Variants in COL14A1 observed in about 807,000 individuals in gnomAD.
COL14A1 encodes collagen type XIV alpha 1 chain, also known as collagen alpha-1(XIV) chain.
In COL14A1, 136 loss-of-function variants were observed where a neutral mutation model predicts 230.3. The ratio of observed to expected loss-of-function variants is 0.59; its 90% CI spans 0.51 to 0.68. COL14A1 has a LOEUF of 0.68. Ranked by LOEUF, COL14A1 falls within the 30% of genes least tolerant of loss-of-function variation. The pLI, the probability that COL14A1 is intolerant of heterozygous loss-of-function variation, is 0.00. For missense variants in COL14A1, 1,976 were observed against 2,215.8 expected, an observed-to-expected ratio of 0.89 and a Z score of 2.17; for synonymous variants, 792 against 784.1, an observed-to-expected ratio of 1.01 and a Z score of -0.17.
chr8:120,346,158 T>A (rs2130290822), intron 45 of COL14A1, among the ~76,000 whole-genome samples: 1 of 152,340 alleles, frequency 6.6e-6, no homozygotes, highest in Middle Eastern at 3.4e-3. Context: ...TATTTAATAG[T>A]TTCATGGGCC....
intron 45 of COL14A1, 39 bp from the exon 46 acceptor site, chr8:120,367,132 A>T (rs776998507): frequency 6.7e-7 from 1 of 1,498,082 alleles, no homozygotes; most frequent in South Asian, 1.3e-5. Context: ...TTTTCTTTTA[A>T]AAAGAACTTT....
intron 13 of COL14A1, among the ~76,000 whole-genome samples, chr8:120,216,058 T>C (rs1024995263): frequency 7.9e-5 from 12 of 152,238 alleles, no homozygotes; most frequent in African/African-American, 2.7e-4. Flanking sequence ...TTAAGTTTCC[T>C]ACTTACATCA....
At chr8:120,254,991 C>T (rs1819096365) in intron 22 of COL14A1, among the ~76,000 whole-genome samples, 2 of 152,040 alleles carry the variant, frequency 1.3e-5, no homozygotes, top group South Asian at 4.1e-4. Context: ...GACCCCATCT[C>T]AAAACAAACA....
rs1823541972 is a variant in COL14A1 at position 120,370,288 on chromosome 8, T to A, written c.5311+803T>A. ...AGTTTTGCTGATGTGTTTTTCTCTG[T>A]TCATCTTTTCCCTCCCTGTTCTCTC... On this transcript the variant is annotated intron_variant, in intron 47 of 47. Transcript: ENST00000297848. The A allele has an allele frequency of 4.4e-6, 7 of 1,580,294 alleles. No individual in the cohort carries two copies. In the East Asian group the frequency reaches 1.6e-4, roughly 35 times the overall value.
chr8:120,262,835 G>C lies in COL14A1; in HGVS notation c.2870-33G>C, dbSNP rs760569030. 2.5e-6 allele frequency: 4 copies of C among 1,580,648 alleles called. No homozygotes were observed. In the South Asian group the frequency reaches 3.5e-5, roughly 14 times the overall value. On this transcript the variant is annotated intron_variant, in intron 23 of 47. Transcript: ENST00000297848. ...GCTGTGTTTCAAAAATTTCATATGTGTGTGTTTTTGTTTTGTTTTGTTTTT... is the reference window on the plus strand; with the variant it reads ...GCTGTGTTTCAAAAATTTCATATGTCTGTGTTTTTGTTTTGTTTTGTTTTT...
chr8:120,137,856 C>G (rs1462595755), intron 1 of COL14A1, among the ~76,000 whole-genome samples: 2 of 151,950 alleles, frequency 1.3e-5, no homozygotes, highest in South Asian at 2.1e-4. Flanking sequence ...ATCTTACACA[C>G]CTTGACCTCC....
At chr8:120,299,461 C>T (rs1820644287) in intron 35 of COL14A1, among the ~76,000 whole-genome samples, 1 of 152,058 alleles carries the variant, frequency 6.6e-6, no homozygotes, top group Admixed American at 6.6e-5. Flanking sequence ...TTGTATCAAG[C>T]AAAGATGTGA....
At chr8:120,305,031 T>A (rs951862358) in intron 36 of COL14A1, among the ~76,000 whole-genome samples, 6 of 150,614 alleles carry the variant, frequency 4.0e-5, no homozygotes, top group African/African-American at 1.5e-4. Context: ...CGGGCTGGAG[T>A]GCAATGGCAC....
intron 34 of COL14A1, among the ~76,000 whole-genome samples, chr8:120,290,880 G>A (rs534639301): frequency 2.0e-5 from 3 of 152,296 alleles, no homozygotes; most frequent in African/African-American, 4.8e-5. Context: ...GAAGCTTTCA[G>A]ACCTTGATAG....
At chr8:120,131,428 A>C (rs999276657) in intron 1 of COL14A1, among the ~76,000 whole-genome samples, 1 of 151,342 alleles carries the variant, frequency 6.6e-6, no homozygotes, top group Non-Finnish European at 1.5e-5. Context: ...TAGTATCTCA[A>C]TGTGATTTTG....
rs1217496796 is a variant in COL14A1, at chr8:120,197,945, A to G, written c.712+15A>G. 1.9e-6 allele frequency: 3 copies of G among 1,612,076 alleles called. No homozygotes were observed. Among genetic ancestry groups the G allele is most frequent in the Non-Finnish European group, 8.5e-7 (1 of 1,178,722 alleles). On this transcript the variant is annotated intron_variant, in intron 7 of 47. Transcript: ENST00000297848. ...TACACTAACAGGTATGTTTTGTTCA[A>G]TCCATGTTATAACAACATATCTTTT...
chr8:120,245,401 G>T (rs1411186963), intron 20 of COL14A1, among the ~76,000 whole-genome samples: 1 of 152,160 alleles, frequency 6.6e-6, no homozygotes, highest in African/African-American at 2.4e-5. Context: ...GAGGCGTCAT[G>T]CAACGCTTAT....
chr8:120,248,987 G>A (rs1489965206), intron 21 of COL14A1, among the ~76,000 whole-genome samples: 2 of 132,130 alleles, frequency 1.5e-5, no homozygotes, highest in African/African-American at 5.8e-5. Context: ...GTACAGTGGC[G>A]CAGCCTCGGC....
intron 3 of COL14A1, among the ~76,000 whole-genome samples, chr8:120,160,192 C>T (rs1815617415): frequency 6.6e-6 from 1 of 151,970 alleles, no homozygotes; most frequent in East Asian, 1.9e-4. Context: ...AAAAATATAG[C>T]TTATTTTTTT....
chr8:120,186,331 T>G (rs1032928576), intron 5 of COL14A1, among the ~76,000 whole-genome samples: 7 of 152,236 alleles, frequency 4.6e-5, no homozygotes, highest in African/African-American at 1.7e-4. Context: ...GCTCTTGGTT[T>G]GGAAACTTGA....
intron 5 of COL14A1, among the ~76,000 whole-genome samples, chr8:120,172,440 C>T (rs188722174): frequency 2.2e-4 from 33 of 152,056 alleles, no homozygotes; most frequent in South Asian, 4.2e-4. Flanking sequence ...CATGAGCCAC[C>T]GCAGCCGGTT....
At chr8:120,301,930 T>A (rs1456910393) in intron 36 of COL14A1, among the ~76,000 whole-genome samples, 1 of 152,234 alleles carries the variant, frequency 6.6e-6, no homozygotes, top group Non-Finnish European at 1.5e-5. Context: ...CATTGTGGTT[T>A]TGATTTTCAT....
chr8:120,265,767 T>C (rs749217926), intron 24 of COL14A1, among the ~76,000 whole-genome samples: 2 of 152,104 alleles, frequency 1.3e-5, no homozygotes, highest in Non-Finnish European at 2.9e-5. Flanking sequence ...TAGTAATATA[T>C]AGTTACCTCA....
At chr8:120,127,591 C>T (rs1457766781) in intron 1 of COL14A1, among the ~76,000 whole-genome samples, 1 of 152,228 alleles carries the variant, frequency 6.6e-6, no homozygotes, top group Non-Finnish European at 1.5e-5. Flanking sequence ...TAAAAATGGG[C>T]TGAACAAATC....
Sources: gnomAD v4.1 joint callset for allele counts (sites outside exome capture counted in the v4.1 genomes callset) on GRCh38, gnomAD v4.1.1 for gene constraint, MANE v1.5 for transcripts, NCBI Gene and HGNC (gene_info 2026-07-23, HGNC 2026-07-21) for gene names.